The following CDKAL1 variants were observed in gnomAD, a reference collection of about 807,000 sequenced individuals.
CDKAL1 encodes CDKAL1 threonylcarbamoyladenosine tRNA methylthiotransferase, also known as threonylcarbamoyladenosine tRNA methylthiotransferase.
Under a neutral mutation model 68.2 loss-of-function variants are expected in CDKAL1, and 32 were observed. That is an observed-to-expected ratio of 0.47 (90% CI 0.35 to 0.63). The LOEUF (loss-of-function observed/expected upper bound fraction) is 0.63, where lower values mean the gene tolerates loss of function less well. Ranked by LOEUF, CDKAL1 falls within the 30% of genes least tolerant of loss-of-function variation. The probability of loss-of-function intolerance (pLI) is 0.00; values close to 1 mark genes in which losing one functional copy is unlikely to be tolerated. For missense variants in CDKAL1, 606 were observed against 696.7 expected (o/e 0.87, Z 1.47); for synonymous variants, 234 against 244.3 (o/e 0.96, Z 0.39).
chr6:20,824,599 C>T (rs9465910), intron 8 of CDKAL1, among the ~76,000 whole-genome samples: 47,113 of 151,846 alleles, frequency 0.31, 7,555 homozygotes, highest in East Asian at 0.53. Flanking sequence ...GGGCAGCCTA[C>T]AACATGGCAG....
At chr6:20,555,050 T>C (rs1344602447) in intron 4 of CDKAL1, among the ~76,000 whole-genome samples, 2 of 152,356 alleles carry the variant, frequency 1.3e-5, no homozygotes, top group East Asian at 1.9e-4. Context: ...ATAGTTTCTT[T>C]GTATATGTGT....
intron 5 of CDKAL1, among the ~76,000 whole-genome samples, chr6:20,715,810 T>G (rs1772065019): frequency 6.6e-6 from 1 of 152,240 alleles, no homozygotes. Context: ...ATTTCCTGAC[T>G]TTTCTCCTCT....
chr6:20,923,280 T>G (rs1329309687), intron 9 of CDKAL1, among the ~76,000 whole-genome samples: 1 of 152,138 alleles, frequency 6.6e-6, no homozygotes, highest in Non-Finnish European at 1.5e-5. Context: ...TTATTTTGCT[T>G]TGTAGATATT....
intron 4 of CDKAL1, among the ~76,000 whole-genome samples, chr6:20,618,070 T>C (rs1302398552): frequency 1.3e-5 from 2 of 152,140 alleles, no homozygotes; most frequent in East Asian, 1.9e-4. Flanking sequence ...ACATCCTCTC[T>C]GGCATCTGTT....
intron 5 of CDKAL1, among the ~76,000 whole-genome samples, chr6:20,725,321 T>C (rs1459198257): frequency 2.0e-5 from 3 of 152,248 alleles, no homozygotes; most frequent in African/African-American, 7.2e-5. Flanking sequence ...GAGGTTACTT[T>C]TGTTAATCCC....
chr6:20,814,505 C>T (rs1776960133), intron 8 of CDKAL1, among the ~76,000 whole-genome samples: 1 of 152,142 alleles, frequency 6.6e-6, no homozygotes, highest in African/African-American at 2.4e-5. Context: ...GTCTCGAACT[C>T]CTGGCTTCGG....
At chr6:20,784,320 C>T (rs1260632171) in intron 8 of CDKAL1, among the ~76,000 whole-genome samples, 1 of 150,286 alleles carries the variant, frequency 6.7e-6, no homozygotes, top group Non-Finnish European at 1.5e-5. Flanking sequence ...GAAATGCTGC[C>T]TAAATAGTTG....
chr6:21,156,848 T>C (rs1776673192), intron 13 of CDKAL1, among the ~76,000 whole-genome samples: 2 of 152,140 alleles, frequency 1.3e-5, no homozygotes, highest in Admixed American at 6.5e-5. Flanking sequence ...ATGGAATCCT[T>C]CTAAGAGTAT....
chr6:20,614,868 C>T (rs547282963), intron 4 of CDKAL1, among the ~76,000 whole-genome samples: 23 of 151,194 alleles, frequency 1.5e-4, no homozygotes, highest in East Asian at 3.9e-4. Context: ...CATGCTGATG[C>T]GCTGCACCCA....
chr6:20,895,430 T>C (rs1433625179), intron 9 of CDKAL1, among the ~76,000 whole-genome samples: 1 of 152,246 alleles, frequency 6.6e-6, no homozygotes, highest in African/African-American at 2.4e-5. Flanking sequence ...ATTACCTAAA[T>C]GCACTCCTGT....
At chr6:20,638,147 A>G (rs547316006) in intron 4 of CDKAL1, among the ~76,000 whole-genome samples, 2 of 152,338 alleles carry the variant, frequency 1.3e-5, no homozygotes, top group South Asian at 4.1e-4. Flanking sequence ...TCTGGTATCT[A>G]TGCCCACCAG....
At chr6:20,563,325 C>A (rs2127670739) in intron 4 of CDKAL1, among the ~76,000 whole-genome samples, 1 of 152,158 alleles carries the variant, frequency 6.6e-6, no homozygotes, top group South Asian at 2.1e-4. Context: ...TTCAGAAAAT[C>A]ACTGAACAAT....
intron 7 of CDKAL1, among the ~76,000 whole-genome samples, chr6:20,767,433 G>T (rs577746262): frequency 1.6e-4 from 24 of 152,014 alleles, no homozygotes; most frequent in Middle Eastern, 3.4e-3. Context: ...CTAAAGCTTT[G>T]ATAGGACATA....
intron 15 of CDKAL1, among the ~76,000 whole-genome samples, chr6:21,208,610 C>CT (rs34797264): frequency 0.63 from 96,235 of 151,766 alleles, 31,047 homozygotes; most frequent in African/African-American, 0.76. Context: ...TTTTCTGTTC[C>CT]TTTTTTTTCT....
chr6:20,986,165 GCTTAAAAGAAAGGTTTTCTTC>G (rs1395090285), intron 10 of CDKAL1, among the ~76,000 whole-genome samples: 1 of 152,110 alleles, frequency 6.6e-6, no homozygotes, highest in African/African-American at 2.4e-5. Context: ...TTTGGACCCT[GCTTAAAAGAAAGGTTTTCTTC>G]CTTCGTTTTT....
chr6:20,814,774 G>C (rs765168341), intron 8 of CDKAL1, among the ~76,000 whole-genome samples: 1 of 152,166 alleles, frequency 6.6e-6, no homozygotes, highest in Non-Finnish European at 1.5e-5. Context: ...TCCTGTACAT[G>C]TACAGTTTGG....
chr6:20,902,345 ACACACACACACAC>A (rs373938677), intron 9 of CDKAL1, among the ~76,000 whole-genome samples: 32,242 of 127,830 alleles, frequency 0.25, 4,142 homozygotes, highest in African/African-American at 0.36. Context: ...ACACACACAC[ACACACACACACAC>A]AATGTGTTTA....
At chr6:20,788,971 C>T (rs912847004) in intron 8 of CDKAL1, among the ~76,000 whole-genome samples, 3 of 152,200 alleles carry the variant, frequency 2.0e-5, no homozygotes, top group African/African-American at 7.2e-5. Context: ...AAGTATTTCA[C>T]TTGACAGCAG....
intron 5 of CDKAL1, among the ~76,000 whole-genome samples, chr6:20,733,159 T>C (rs558209389): frequency 2.0e-5 from 3 of 152,280 alleles, no homozygotes; most frequent in Non-Finnish European, 2.9e-5. Flanking sequence ...CTGCATAACG[T>C]TGGTATCCTT....
Sources: allele counts gnomAD v4.1 joint callset (sites outside exome capture counted in the v4.1 genomes callset), GRCh38; gene constraint gnomAD v4.1.1; transcripts MANE v1.5; gene names NCBI Gene and HGNC (gene_info 2026-07-23, HGNC 2026-07-21).